LRRC8C: variants seen among roughly 807,000 people sequenced by gnomAD.
LRRC8C encodes volume-regulated anion channel subunit LRRC8C.
Under a neutral mutation model 55.3 loss-of-function variants are expected in LRRC8C, and 20 were observed. The ratio of observed to expected loss-of-function variants is 0.36; its 90% CI spans 0.25 to 0.53. The LOEUF (loss-of-function observed/expected upper bound fraction) is 0.53. Among genes scored for constraint, LRRC8C ranks in the 20% least tolerant of loss-of-function variants. The pLI, the probability that LRRC8C is intolerant of heterozygous loss-of-function variation, is 0.92. For synonymous variants in LRRC8C, 376 were observed against 360.7 expected (o/e 1.04, Z -0.48); for missense variants, 659 against 951.4 (o/e 0.69, Z 4.04).
rs1388549044 is a variant in LRRC8C, at chr1:89,714,380, A to C, written c.1810A>C (p.Ile604Leu). ...LELVHCDLER[I>L]PHAVFSLLSL... Reference sequence around the variant, plus strand: ...GCTGGTCCACTGTGACCTGGAGCGTATTCCTCATGCTGTGTTCAGCCTACT... The same window carrying C: ...GCTGGTCCACTGTGACCTGGAGCGTCTTCCTCATGCTGTGTTCAGCCTACT... The change falls in exon 3 of 3, where the codon ATT (isoleucine) becomes CTT (leucine). Residue 604 changes from isoleucine to leucine, a missense_variant. Ile to Leu is a conservative substitution (Grantham distance 5, BLOSUM62 2). This residue lies in a region of LRRC8C where 344 missense variants were observed against 464.6 expected (regional missense o/e 0.74). Coordinates refer to ENST00000370454, the MANE Select transcript of LRRC8C (RefSeq NM_032270.5). The surrounding 1 kb of genome is among the most constrained non-coding windows in gnomAD (Gnocchi z 4.6). 8.1e-6 allele frequency: 13 copies of C among 1,614,034 alleles called. No homozygotes were observed. Among genetic ancestry groups the C allele is most frequent in the Non-Finnish European group, 1.1e-5 (13 of 1,180,024 alleles).
intron 1 of LRRC8C, among the ~76,000 whole-genome samples, chr1:89,643,868 G>A (rs1035397924): frequency 1.3e-5 from 2 of 152,024 alleles, no homozygotes; most frequent in Admixed American, 6.5e-5. Context: ...TGACATACAC[G>A]GTACTATTTG....
chr1:89,658,673 C>T (rs1657016482), intron 1 of LRRC8C, among the ~76,000 whole-genome samples: 1 of 152,154 alleles, frequency 6.6e-6, no homozygotes, highest in Admixed American at 6.5e-5. Context: ...TAAAATTTAA[C>T]ATTTGTGTCA....
intron 1 of LRRC8C, among the ~76,000 whole-genome samples, chr1:89,680,453 GT>G (rs762328125): frequency 2.1e-5 from 3 of 145,274 alleles, no homozygotes; most frequent in Non-Finnish European, 4.5e-5. Context: ...TACTAAAATA[GT>G]TTTTTGTAAT....
intron 1 of LRRC8C, 36 bp from the exon 2 acceptor site, chr1:89,686,434 G>A: frequency 6.2e-7 from 1 of 1,610,856 alleles, no homozygotes; most frequent in Admixed American, 1.7e-5. Context: ...TGTACTGGAA[G>A]ATAAATTGAT....
At chr1:89,617,622 C>T in the LRRC8C span, among the ~76,000 whole-genome samples, 4 of 152,298 alleles carry the variant, frequency 2.6e-5, no homozygotes, top group South Asian at 8.3e-4. Flanking sequence ...TCCACCTCAA[C>T]TGAATTCTGA....
chr1:89,635,919 A>G (rs981465579), intron 1 of LRRC8C, among the ~76,000 whole-genome samples: 1 of 152,302 alleles, frequency 6.6e-6, no homozygotes, highest in African/African-American at 2.4e-5. Context: ...GTTTCAGATC[A>G]CTCATAAAAG....
intron 2 of LRRC8C, among the ~76,000 whole-genome samples, chr1:89,692,313 G>T (rs982738963): frequency 5.9e-5 from 9 of 152,174 alleles, no homozygotes; most frequent in African/African-American, 2.2e-4. Context: ...CAAAATCTAA[G>T]GTGAAGTTAG....
At chr1:89,642,370 A>G (rs1050780837) in intron 1 of LRRC8C, among the ~76,000 whole-genome samples, 2 of 152,218 alleles carry the variant, frequency 1.3e-5, no homozygotes, top group African/African-American at 4.8e-5. Context: ...TTTCATGTCA[A>G]ACTAAATTTA....
intron 2 of LRRC8C, among the ~76,000 whole-genome samples, chr1:89,698,858 T>C (rs910176742): frequency 6.6e-6 from 1 of 152,162 alleles, no homozygotes; most frequent in Non-Finnish European, 1.5e-5. Context: ...TTTCTCTCAC[T>C]TTACTATATG....
chr1:89,652,322 T>C (rs1435460750), intron 1 of LRRC8C, among the ~76,000 whole-genome samples: 2 of 152,172 alleles, frequency 1.3e-5, no homozygotes, highest in Admixed American at 6.5e-5. Flanking sequence ...TAGTAATTAT[T>C]TCCAGGGGTA....
chr1:89,670,631 A>G (rs953752824), intron 1 of LRRC8C, among the ~76,000 whole-genome samples: 1 of 152,232 alleles, frequency 6.6e-6, no homozygotes, highest in African/African-American at 2.4e-5. Context: ...GAATGAAAAT[A>G]TTGAATATAT....
At chr1:89,701,681 A>G (rs1418335573) in intron 2 of LRRC8C, among the ~76,000 whole-genome samples, 1 of 152,170 alleles carries the variant, frequency 6.6e-6, no homozygotes, top group Admixed American at 6.5e-5. Context: ...TGTCTCGACT[A>G]ATTTTTGTAT....
chr1:89,651,903 A>G (rs1393622181), intron 1 of LRRC8C, among the ~76,000 whole-genome samples: 1 of 152,218 alleles, frequency 6.6e-6, no homozygotes, highest in East Asian at 1.9e-4. Context: ...TGCATGGGTC[A>G]TATCTAATTT....
chr1:89,623,990 G>T, the LRRC8C span, among the ~76,000 whole-genome samples: 3 of 152,304 alleles, frequency 2.0e-5, no homozygotes, highest in South Asian at 6.2e-4. Context: ...AGAGACAAAA[G>T]AAAGTTTACT....
At chr1:89,624,561 C>G in the LRRC8C span, among the ~76,000 whole-genome samples, 1 of 152,086 alleles carries the variant, frequency 6.6e-6, no homozygotes, top group Non-Finnish European at 1.5e-5. Flanking sequence ...ACTCTTTGTC[C>G]TATTAAAGAT....
chr1:89,712,669 T>A (rs1658682203), intron 2 of LRRC8C, 40 bp from the exon 3 acceptor site: 16 of 1,453,442 alleles, frequency 1.1e-5, no homozygotes, highest in Non-Finnish European at 1.5e-5. Context: ...TGAAAGCTCT[T>A]TGAGTAATAT....
intron 1 of LRRC8C, among the ~76,000 whole-genome samples, chr1:89,636,443 T>G (rs912438554): frequency 1.8e-4 from 27 of 152,246 alleles, no homozygotes; most frequent in Non-Finnish European, 1.9e-4. Context: ...ATGTACTCAT[T>G]CTATAGTTTT....
intron 1 of LRRC8C, among the ~76,000 whole-genome samples, chr1:89,666,231 CT>C (rs1461902775): frequency 2.0e-5 from 3 of 152,172 alleles, no homozygotes; most frequent in African/African-American, 7.2e-5. Context: ...CAGTCTTTAC[CT>C]TATTCCATGG....
At chr1:89,628,580 G>A (rs79998445), upstream of LRRC8C, among the ~76,000 whole-genome samples, 1,455 of 152,240 alleles carry the variant, frequency 9.6e-3, 6 homozygotes, top group Admixed American at 0.014. Context: ...GTTCAATGAA[G>A]TATGGAAAGC....
Sources: allele counts gnomAD v4.1 joint callset (sites outside exome capture counted in the v4.1 genomes callset), GRCh38; gene constraint gnomAD v4.1.1; regional missense constraint gnomAD v4.1.1; non-coding constraint Gnocchi (gnomAD v3.1); transcripts MANE v1.5; gene names NCBI Gene and HGNC (gene_info 2026-07-23, HGNC 2026-07-21).